The following CAMKMT variants were observed in gnomAD, a reference collection of about 807,000 sequenced individuals.
The protein encoded by CAMKMT is calmodulin-lysine N-methyltransferase.
A neutral mutation model predicts 48.0 loss-of-function variants in CAMKMT; 53 were observed. That is an observed-to-expected ratio of 1.10 (90% CI 0.89 to 1.39). The LOEUF is 1.39. Ranked by LOEUF, CAMKMT falls within the 40% of genes most tolerant of loss-of-function variation. CAMKMT has a pLI of 0.00. For synonymous variants in CAMKMT, 165 were observed against 152.3 expected, an observed-to-expected ratio of 1.08 and a Z score of -0.61; for missense variants, 428 against 402.7, an observed-to-expected ratio of 1.06 and a Z score of -0.54.
At chr2:44,519,702 A>G (rs1388567488) in intron 3 of CAMKMT, among the ~76,000 whole-genome samples, 1 of 152,198 alleles carries the variant, frequency 6.6e-6, no homozygotes, top group African/African-American at 2.4e-5. Flanking sequence ...ACGTTACTAA[A>G]AAGTTTTACT....
intron 3 of CAMKMT, among the ~76,000 whole-genome samples, chr2:44,702,515 A>C (rs923745274): frequency 6.6e-6 from 1 of 152,190 alleles, no homozygotes; most frequent in Non-Finnish European, 1.5e-5. Flanking sequence ...ACAATACTGC[A>C]ATGATATTTT....
At chr2:44,744,241 C>T (rs1173964849) in intron 8 of CAMKMT, among the ~76,000 whole-genome samples, 1 of 152,002 alleles carries the variant, frequency 6.6e-6, no homozygotes, top group East Asian at 1.9e-4. Flanking sequence ...GTTAATTATA[C>T]CTAAAACAAA....
intron 3 of CAMKMT, among the ~76,000 whole-genome samples, chr2:44,532,845 C>G (rs112905102): frequency 6.7e-6 from 1 of 150,248 alleles, no homozygotes; most frequent in Non-Finnish European, 1.5e-5. Context: ...GACAGAGTCT[C>G]GCTGTCACCC....
At chr2:44,577,893 T>G (rs1356700546) in intron 3 of CAMKMT, among the ~76,000 whole-genome samples, 5 of 152,204 alleles carry the variant, frequency 3.3e-5, no homozygotes, top group African/African-American at 9.7e-5. Flanking sequence ...GTGACTCCCC[T>G]AGGAATTTAT....
At chr2:44,744,919 AG>A (rs1679856723) in intron 8 of CAMKMT, among the ~76,000 whole-genome samples, 1 of 152,246 alleles carries the variant, frequency 6.6e-6, no homozygotes, top group East Asian at 1.9e-4. Context: ...CAAAAATAGG[AG>A]AAACCTGGAT....
chr2:44,569,911 C>A (rs995274159), intron 3 of CAMKMT, among the ~76,000 whole-genome samples: 3 of 151,748 alleles, frequency 2.0e-5, no homozygotes, highest in Admixed American at 6.6e-5. Context: ...TGTTGGTTAC[C>A]TTTTTTTTAA....
Position 44,619,463 on chromosome 2 carries a change from G to GTGTA in CAMKMT, c.377-84819_377-84818insGTAT, listed in dbSNP as rs34159385. Among the ~76,000 whole-genome samples the GTGTA allele has an allele frequency of 1.5e-4, 22 of 150,018 alleles. No homozygotes were observed. The East Asian group carries it at 2.0e-3, about 13-fold the overall frequency. ...AGAATAATTTTAGCTGATTATGTGTGTATATATATATATATATGCATCTGC... is the reference window on the plus strand; with the variant it reads ...AGAATAATTTTAGCTGATTATGTGTGTGTATATATATATATATATATGCATCTGC... On this transcript the variant is annotated intron_variant, in intron 3 of 10. Coordinates refer to ENST00000378494, the MANE Select transcript of CAMKMT (RefSeq NM_024766.5).
At chr2:44,628,509 G>A (rs1328860923) in intron 3 of CAMKMT, among the ~76,000 whole-genome samples, 8 of 151,146 alleles carry the variant, frequency 5.3e-5, no homozygotes, top group African/African-American at 1.9e-4. Context: ...GCTTCTGAAA[G>A]TGAAAGCTTA....
intron 7 of CAMKMT, among the ~76,000 whole-genome samples, chr2:44,715,803 A>G (rs537232864): frequency 2.0e-5 from 3 of 152,282 alleles, no homozygotes; most frequent in East Asian, 1.9e-4. Context: ...GGTAGAGACC[A>G]GGGATTCCAC....
intron 3 of CAMKMT, among the ~76,000 whole-genome samples, chr2:44,440,101 G>T (rs569893365): frequency 8.5e-5 from 13 of 152,258 alleles, no homozygotes; most frequent in Non-Finnish European, 1.9e-4. Context: ...TGTTGAATTA[G>T]AAAGGGTTTT....
intron 3 of CAMKMT, among the ~76,000 whole-genome samples, chr2:44,477,908 A>C (rs1668770030): frequency 6.6e-6 from 1 of 152,220 alleles, no homozygotes; most frequent in African/African-American, 2.4e-5. Flanking sequence ...AAGCTACTTC[A>C]CACAAAGGGA....
chr2:44,537,514 C>T (rs551438344), intron 3 of CAMKMT, among the ~76,000 whole-genome samples: 10 of 151,936 alleles, frequency 6.6e-5, no homozygotes, highest in African/African-American at 2.2e-4. Flanking sequence ...ATTAAAAAGA[C>T]AAAAAATAAC....
intron 3 of CAMKMT, among the ~76,000 whole-genome samples, chr2:44,402,633 A>G (rs1443379790): frequency 6.6e-6 from 1 of 150,942 alleles, no homozygotes; most frequent in African/African-American, 2.4e-5. Flanking sequence ...TACTCTTTTA[A>G]TGACTTTCTT....
At chr2:44,513,873 G>A (rs886631241) in intron 3 of CAMKMT, among the ~76,000 whole-genome samples, 16 of 152,018 alleles carry the variant, frequency 1.1e-4, no homozygotes, top group Admixed American at 2.6e-4. Flanking sequence ...GGCTGAGGTG[G>A]GCAGATCGCT....
chr2:44,403,631 T>A (rs1682581932), intron 3 of CAMKMT, among the ~76,000 whole-genome samples: 1 of 152,174 alleles, frequency 6.6e-6, no homozygotes, highest in Admixed American at 6.5e-5. Context: ...TTATTTTAGG[T>A]GGGGTGTCAG....
intron 10 of CAMKMT, among the ~76,000 whole-genome samples, chr2:44,771,533 T>C (rs1051488892): frequency 6.6e-6 from 1 of 152,186 alleles, no homozygotes; most frequent in African/African-American, 2.4e-5. Context: ...GAGTGACTTA[T>C]TATTAATGTT....
intron 3 of CAMKMT, among the ~76,000 whole-genome samples, chr2:44,557,078 T>C (rs1191648086): frequency 6.6e-6 from 1 of 152,220 alleles, no homozygotes; most frequent in Non-Finnish European, 1.5e-5. Context: ...ACTGAGGAAA[T>C]GCCTTGTTTA....
intron 3 of CAMKMT, among the ~76,000 whole-genome samples, chr2:44,435,560 A>G (rs1414542999): frequency 6.6e-6 from 1 of 152,256 alleles, no homozygotes; most frequent in Non-Finnish European, 1.5e-5. Context: ...TATAAAATGT[A>G]TAATGAAATA....
intron 3 of CAMKMT, among the ~76,000 whole-genome samples, chr2:44,426,125 CA>C (rs1340377535): frequency 1.3e-5 from 2 of 152,068 alleles, no homozygotes; most frequent in Non-Finnish European, 2.9e-5. Context: ...TTACTTTATA[CA>C]AATAATTAGA....
Sources: allele counts gnomAD v4.1 joint callset (sites outside exome capture counted in the v4.1 genomes callset), GRCh38; gene constraint gnomAD v4.1.1; transcripts MANE v1.5; gene names NCBI Gene and HGNC (gene_info 2026-07-23, HGNC 2026-07-21).